Variants in DNMBP observed in about 807,000 individuals in gnomAD.
The protein encoded by DNMBP is dynamin binding protein.
DNMBP carries 87 observed loss-of-function variants against 150.0 expected under a neutral mutation model. The observed-to-expected ratio is 0.58, with a 90% CI of 0.49 to 0.69. The LOEUF is 0.69. Among genes scored for constraint, DNMBP ranks in the 30% least tolerant of loss-of-function variants. The pLI is 0.00. For missense variants in DNMBP, 1,774 were observed against 1,949.0 expected (o/e 0.91, Z 1.69); for synonymous variants, 711 against 750.4 (o/e 0.95, Z 0.86).
chr10:99,964,875 A>G (rs933801129), intron 3 of DNMBP, among the ~76,000 whole-genome samples: 98 of 112,612 alleles, frequency 8.7e-4, no homozygotes, highest in Non-Finnish European at 1.5e-3. Flanking sequence ...CAGCCCAAGG[A>G]AAAAAAAAAA....
At chr10:99,998,902 C>T (rs753365839) in intron 1 of DNMBP, among the ~76,000 whole-genome samples, 2 of 152,164 alleles carry the variant, frequency 1.3e-5, no homozygotes, top group Non-Finnish European at 2.9e-5. Flanking sequence ...GATACATGGA[C>T]GTCAGATGTA....
At chr10:99,944,571 G>A (rs1298846319) in intron 4 of DNMBP, among the ~76,000 whole-genome samples, 2 of 152,150 alleles carry the variant, frequency 1.3e-5, no homozygotes, top group Non-Finnish European at 2.9e-5. Context: ...GAAGCTCCTT[G>A]AGACCAGCGA....
chr10:99,972,774 CTTTTTA>C (rs1335826634), intron 1 of DNMBP, among the ~76,000 whole-genome samples: 3 of 152,108 alleles, frequency 2.0e-5, no homozygotes, highest in Non-Finnish European at 2.9e-5. Flanking sequence ...CTGTGCCTGA[CTTTTTA>C]TTTTTATTTT....
chr10:99,887,767 T>A lies in DNMBP; in HGVS notation c.3285+1058A>T, dbSNP rs551130487. 5.3e-5 allele frequency among the ~76,000 whole-genome samples: 8 copies of A among 152,288 alleles called. No individual in the cohort carries two copies. In the East Asian group the frequency reaches 1.5e-3, roughly 29 times the overall value. On this transcript the variant is annotated intron_variant, in intron 12 of 16. Transcript: ENST00000324109. ...CCCATCCAGTTTTTTCTACAAGGGA[T>A]TAAACAATCCCATATATATGGATTT...
chr10:99,913,332 G>A (rs571347093), intron 4 of DNMBP, among the ~76,000 whole-genome samples: 2 of 152,220 alleles, frequency 1.3e-5, no homozygotes, highest in East Asian at 1.9e-4. Flanking sequence ...GCTTTGCAGA[G>A]TAGTTGAGGG....
intron 4 of DNMBP, among the ~76,000 whole-genome samples, chr10:99,914,857 C>A (rs781307624): frequency 2.6e-5 from 4 of 151,718 alleles, no homozygotes; most frequent in Admixed American, 2.6e-4. Context: ...CCTGGGAGGC[C>A]GAGATGGGTG....
chr10:99,985,811 C>T (rs766367102), intron 1 of DNMBP, among the ~76,000 whole-genome samples: 9 of 152,140 alleles, frequency 5.9e-5, no homozygotes, highest in African/African-American at 9.7e-5. Flanking sequence ...AGTGCAGTGA[C>T]GCAATCTCAG....
intron 4 of DNMBP, among the ~76,000 whole-genome samples, chr10:99,941,977 G>A (rs1270406250): frequency 2.0e-5 from 3 of 152,142 alleles, no homozygotes; most frequent in Non-Finnish European, 4.4e-5. Context: ...ATTCTCTTCT[G>A]TTAAATTGTA....
In DNMBP at chr10:99,898,633, GTCTACTTCTAGGTTTGTCTATAAA is replaced by G; in HGVS notation, c.2720+86_2720+109del. On this transcript the variant is annotated intron_variant, in intron 8 of 16. Transcript: ENST00000324109. ...TACGAAAGAAAACCCAGCAAGGTGA[GTCTACTTCTAGGTTTGTCTATAAA>G]GGAAGAAAATACAGTTGCTTAAGAG... The G allele has an allele frequency of 5.1e-6, 6 of 1,178,726 alleles. No individual in the cohort carries two copies. The South Asian group carries it at 7.7e-5, about 15-fold the overall frequency. The allele number at this position is 1,178,726 out of a possible 1,614,324, so 73.0% of individuals were successfully genotyped here.
At chr10:99,891,108 G>T (rs566015943) in intron 11 of DNMBP, among the ~76,000 whole-genome samples, 13 of 152,164 alleles carry the variant, frequency 8.5e-5, no homozygotes, top group African/African-American at 3.1e-4. Context: ...CTTAAAAAAA[G>T]ATTTTAAAAT....
At chr10:99,909,174 A>C (rs2039869855) in intron 4 of DNMBP, 28 bp from the exon 5 acceptor site, 1 of 1,587,968 alleles carries the variant, frequency 6.3e-7, no homozygotes, top group African/African-American at 1.3e-5. Flanking sequence ...ACTGGTTAGC[A>C]GCTCTGGGTG....
intron 9 of DNMBP, 73 bp downstream of exon 9, chr10:99,898,013 G>A (rs2039681087): frequency 7.5e-7 from 1 of 1,339,350 alleles, no homozygotes; most frequent in Non-Finnish European, 1.1e-6. Context: ...CTCTAGCGAA[G>A]TAATGAATTG....
Position 99,903,779 on chromosome 10 carries a change from G to A in DNMBP, c.2555-3713C>T, listed in dbSNP as rs566282862. ...TCCAGACATGATTTACATTCAATTC[G>A]CCGTTCTTCAACTTCCCTGATAGTC... On this transcript the variant is annotated intron_variant, in intron 6 of 16. Transcript: ENST00000324109. Among the ~76,000 whole-genome samples the A allele has an allele frequency of 3.9e-5, 6 of 152,176 alleles. No homozygotes were observed. In the South Asian group the frequency reaches 6.2e-4, roughly 16 times the overall value.
chr10:99,977,688 C>A (rs1380268227), intron 1 of DNMBP, among the ~76,000 whole-genome samples: 1 of 152,174 alleles, frequency 6.6e-6, no homozygotes, highest in Non-Finnish European at 1.5e-5. Flanking sequence ...GTGCCTGGCA[C>A]ATAAAATATT....
rs759267477 is a variant in DNMBP at position 99,969,137 on chromosome 10, C to T, written c.246G>A (p.Leu82=). 6.2e-7 allele frequency: 1 copy of T among 1,613,936 alleles called. No individual in the cohort carries two copies. The highest frequency in any genetic ancestry group is 8.5e-7 in the Non-Finnish European group (1 of 1,179,908). The change falls in exon 3 of 17, where the codon TTG becomes TTA. Residue 82 remains leucine (L), a synonymous_variant. Transcript: ENST00000324109. The part of the protein sequence containing the change: ...VCICEFTSQE[L]DNLPLHRGDL... ...TACCTCGATGGAGGGGAAGATTATC[C>T]AACTCTTGGGATGTGAATTCACAAA...
intron 1 of DNMBP, among the ~76,000 whole-genome samples, chr10:100,001,038 T>C (rs549444952): frequency 6.6e-6 from 1 of 150,510 alleles, no homozygotes; most frequent in African/African-American, 2.4e-5. Flanking sequence ...AAGACCAGCC[T>C]GGCCAACATG....
Position 99,886,287 on chromosome 10 carries a change from G to GT in DNMBP, c.3618+12dup, listed in dbSNP as rs1266335687. On this transcript the variant is annotated intron_variant, in intron 13 of 16. Coordinates refer to ENST00000324109, the MANE Select transcript of DNMBP (RefSeq NM_015221.4). ...TATAGATGACCATCCCACTGAACAGGTAAGAAACTCACCGAAAGCAGTGGC... is the reference window on the plus strand; with the variant it reads ...TATAGATGACCATCCCACTGAACAGGTTAAGAAACTCACCGAAAGCAGTGGC... 6.2e-7 allele frequency: 1 copy of GT among 1,606,266 alleles called. No individual in the cohort carries two copies. Among genetic ancestry groups the GT allele is most frequent in the African/African-American group, 1.3e-5 (1 of 74,752 alleles).
chr10:99,910,852 T>A (rs577530177), intron 4 of DNMBP, among the ~76,000 whole-genome samples: 2 of 152,316 alleles, frequency 1.3e-5, no homozygotes, highest in African/African-American at 2.4e-5. Flanking sequence ...ATTGATAATA[T>A]GTAAGTACAT....
chr10:99,922,022 G>T (rs1294266869), intron 4 of DNMBP, among the ~76,000 whole-genome samples: 1 of 152,100 alleles, frequency 6.6e-6, no homozygotes, highest in Admixed American at 6.5e-5. Flanking sequence ...AGAAAGGGGT[G>T]TCTGACACTG....
Sources: gnomAD v4.1 joint callset for allele counts (sites outside exome capture counted in the v4.1 genomes callset) on GRCh38, gnomAD v4.1.1 for gene constraint, MANE v1.5 for transcripts, NCBI Gene and HGNC (gene_info 2026-07-23, HGNC 2026-07-21) for gene names.